SH3D19: variants seen among roughly 807,000 people sequenced by gnomAD.
SH3D19 encodes the protein SH3 domain-containing protein 19.
A neutral mutation model predicts 112.1 loss-of-function variants in SH3D19; 58 were observed. That is an observed-to-expected ratio of 0.52 (90% CI 0.42 to 0.64). SH3D19 has a LOEUF of 0.64. Among genes scored for constraint, SH3D19 ranks in the 30% least tolerant of loss-of-function variants. SH3D19 has a pLI of 0.00. For synonymous variants in SH3D19, 391 were observed against 448.5 expected, an observed-to-expected ratio of 0.87 and a Z score of 1.62; for missense variants, 1,090 against 1,263.4, an observed-to-expected ratio of 0.86 and a Z score of 2.08.
intron 1 of SH3D19, chr4:151,279,796 T>C (rs778862552): frequency 1.9e-6 from 3 of 1,613,762 alleles, no homozygotes; most frequent in Admixed American, 3.3e-5. Flanking sequence ...CTTTCTCTAG[T>C]GTGTGGGCAA....
chr4:151,182,770 T>C (rs1372837546), intron 3 of SH3D19, among the ~76,000 whole-genome samples: 2 of 152,210 alleles, frequency 1.3e-5, no homozygotes, highest in Non-Finnish European at 2.9e-5. Context: ...TTCTCAACTA[T>C]CTGCTTATAC....
chr4:151,193,395 C>T (rs1762943324), intron 2 of SH3D19, among the ~76,000 whole-genome samples: 1 of 152,054 alleles, frequency 6.6e-6, no homozygotes, highest in African/African-American at 2.4e-5. Flanking sequence ...TAGACTTCAA[C>T]ATGGCACTTG....
intron 8 of SH3D19, among the ~76,000 whole-genome samples, chr4:151,162,598 CTTTT>C (rs57420317): frequency 1.5e-5 from 2 of 131,082 alleles, no homozygotes; most frequent in South Asian, 2.4e-4. Flanking sequence ...AGATTGGTCC[CTTTT>C]TTTTTTTTTT....
intron 3 of SH3D19, among the ~76,000 whole-genome samples, chr4:151,186,331 T>C (rs948511839): frequency 1.3e-5 from 2 of 152,376 alleles, no homozygotes; most frequent in East Asian, 1.9e-4. Flanking sequence ...TATCTTGATA[T>C]GGTAGTATAA....
intron 2 of SH3D19, among the ~76,000 whole-genome samples, chr4:151,211,577 TAA>T (rs36073560): frequency 3.5e-5 from 5 of 141,774 alleles, no homozygotes; most frequent in African/African-American, 8.0e-5. Flanking sequence ...ATCTGTTAAT[TAA>T]AAAAAAAAAA....
intron 1 of SH3D19, among the ~76,000 whole-genome samples, chr4:151,294,137 C>T (rs1775543433): frequency 6.6e-6 from 1 of 152,114 alleles, no homozygotes; most frequent in African/African-American, 2.4e-5. Flanking sequence ...TGTAAGTCCA[C>T]GTAAGAATTT....
chr4:151,187,170 G>A (rs1408317324), intron 3 of SH3D19, among the ~76,000 whole-genome samples: 1 of 151,618 alleles, frequency 6.6e-6, no homozygotes, highest in Non-Finnish European at 1.5e-5. Flanking sequence ...CAGCTTTATA[G>A]TATCACATTT....
Position 151,176,832 on chromosome 4 carries a change from C to T in SH3D19, c.360G>A (p.Glu120=). The change falls in exon 5 of 20, where the codon GAG becomes GAA. Residue 120 remains glutamate (E), a synonymous_variant. Coordinates refer to ENST00000604030, the MANE Select transcript of SH3D19 (RefSeq NM_001378122.1). ...SSAAGSWRPN[E]LVPAELPPSY... ...GTTTATTCACCTCAGCAGGAACCAG[C>T]TCATTAGGCCTCCAAGAGCCTGCTG... The T allele has an allele frequency of 8.1e-7, 1 of 1,232,190 alleles. No homozygotes were observed. The highest frequency in any genetic ancestry group is 4.1e-5 in the South Asian group (1 of 24,320). 76.3% of individuals were successfully genotyped at this position (1,232,190 alleles called of 1,614,324 possible).
intron 2 of SH3D19, among the ~76,000 whole-genome samples, chr4:151,216,131 G>A (rs938079238): frequency 6.6e-6 from 1 of 152,076 alleles, no homozygotes; most frequent in Admixed American, 6.5e-5. Flanking sequence ...GCCCAGCCAG[G>A]GTGTTACCTT....
intron 1 of SH3D19, among the ~76,000 whole-genome samples, chr4:151,245,662 C>T (rs6823844): frequency 0.33 from 49,706 of 151,860 alleles, 9,404 homozygotes; most frequent in Non-Finnish European, 0.44. Context: ...TGTGCAGTGG[C>T]GCAGTCCTGG....
At chr4:151,275,339 G>A (rs554726857) in intron 1 of SH3D19, among the ~76,000 whole-genome samples, 36 of 152,120 alleles carry the variant, frequency 2.4e-4, no homozygotes, top group Admixed American at 1.4e-3. Context: ...CACCCGCCTC[G>A]GCCTCCCAGA....
In SH3D19 at chr4:151,176,539, G is replaced by A; in HGVS notation, c.524C>T (p.Pro175Leu). The A allele has an allele frequency of 1.6e-6, 2 of 1,232,138 alleles. No homozygotes were observed. Among genetic ancestry groups the A allele is most frequent in the Non-Finnish European group, 2.0e-6 (2 of 987,962 alleles). The allele number at this position is 1,232,138 out of a possible 1,614,324, so 76.3% of individuals were successfully genotyped here. A position where few individuals can be genotyped will look rare whatever the true frequency, so the allele number is the denominator to read the frequency against. ...DFSEEIDNDL[P>L]QTLQAPLKPL... ...AGACAAATTACTTGCATTACTTTGAGGCAGATCGTTGTCTATTTCTTCTGA... is the reference window on the plus strand; with the variant it reads ...AGACAAATTACTTGCATTACTTTGAAGCAGATCGTTGTCTATTTCTTCTGA... The change falls in exon 6 of 20, where the codon CCT (proline) becomes CTT (leucine). Residue 175 changes from proline (P) to leucine (L), a missense_variant. Physicochemically the swap from Pro to Leu is moderately conservative, Grantham distance 98. Transcript: ENST00000604030.
intron 1 of SH3D19, among the ~76,000 whole-genome samples, chr4:151,323,658 T>C (rs997391818): frequency 6.6e-6 from 1 of 152,202 alleles, no homozygotes; most frequent in African/African-American, 2.4e-5. Context: ...ATGCAAAAAG[T>C]ACACAATGTC....
At chr4:151,262,781 G>A (rs1243851470) in intron 1 of SH3D19, 1 of 152,042 alleles carries the variant, frequency 6.6e-6, no homozygotes, top group African/African-American at 2.4e-5. Context: ...TGGTAAGCCA[G>A]GGATCAAACT....
At chr4:151,226,602 G>T in intron 1 of SH3D19, 1 of 390,402 alleles carries the variant, frequency 2.6e-6, no homozygotes, top group Non-Finnish European at 3.5e-6. Flanking sequence ...GGATTTCAAT[G>T]TTTCTCCAGT....
intron 1 of SH3D19, 45 bp downstream of exon 1, chr4:151,325,196 C>A (rs900043207): frequency 4.3e-5 from 47 of 1,094,678 alleles, no homozygotes; most frequent in Non-Finnish European, 5.4e-5. Flanking sequence ...GGCCCCAGAG[C>A]GCGCAGCTCT....
intron 2 of SH3D19, among the ~76,000 whole-genome samples, chr4:151,193,164 G>A (rs1254064790): frequency 6.6e-6 from 1 of 151,578 alleles, no homozygotes; most frequent in African/African-American, 2.4e-5. Context: ...AAATCCCCAG[G>A]GATAATTTTG....
Position 151,165,658 on chromosome 4 carries a change from C to G in SH3D19, c.1573G>C (p.Glu525Gln), listed in dbSNP as rs1311408342. 1.7e-5 allele frequency: 28 copies of G among 1,613,920 alleles called. No individual in the cohort carries two copies. Among genetic ancestry groups the G allele is most frequent in the Non-Finnish European group, 2.1e-5 (25 of 1,179,984 alleles). ...GTGGGTGCTGGTTGAACTGCTCGTT[C>G]TTTTATTGGTTCTGTTTTTGCAGGG... Reference protein sequence around the residue: ...QLPAKTEPIKERAVQPAPTRK... With the variant: ...QLPAKTEPIKQRAVQPAPTRK... The change falls in exon 8 of 20, where the codon GAA (glutamate) becomes CAA (glutamine). Residue 525 changes from glutamate (E) to glutamine (Q), a missense_variant. Coordinates refer to ENST00000604030, the MANE Select transcript of SH3D19 (RefSeq NM_001378122.1).
intron 9 of SH3D19, 47 bp from the exon 10 acceptor site, chr4:151,149,608 A>G (rs1413703321): frequency 6.4e-7 from 1 of 1,557,720 alleles, no homozygotes; most frequent in Non-Finnish European, 8.8e-7. Context: ...ATCTGAAACA[A>G]GAACTTGTCA....
Sources: allele counts gnomAD v4.1 joint callset (sites outside exome capture counted in the v4.1 genomes callset), GRCh38; gene constraint gnomAD v4.1.1; transcripts MANE v1.5; gene names NCBI Gene and HGNC (gene_info 2026-07-23, HGNC 2026-07-21).